Variants in ENTHD1 observed in about 807,000 individuals in gnomAD.
ENTHD1 encodes ENTH domain-containing protein 1.
In ENTHD1, 23 loss-of-function variants were observed where a neutral mutation model predicts 39.1. That is an observed-to-expected ratio of 0.59 (90% CI 0.42 to 0.83). The LOEUF (loss-of-function observed/expected upper bound fraction) is 0.83, where lower values mean the gene tolerates loss of function less well. Among genes scored for constraint, ENTHD1 ranks in the 40% least tolerant of loss-of-function variants. The probability of loss-of-function intolerance (pLI) is 0.00; values close to 1 mark genes in which losing one functional copy is unlikely to be tolerated. For missense variants in ENTHD1, 624 were observed against 705.4 expected, an observed-to-expected ratio of 0.88 and a Z score of 1.31; for synonymous variants, 230 against 258.2, an observed-to-expected ratio of 0.89 and a Z score of 1.05.
chr22:39,845,872 G>A lies in ENTHD1; in HGVS notation c.593-9914C>T, dbSNP rs995827949. Among the ~76,000 whole-genome samples the A allele has an allele frequency of 8.6e-5, 13 of 151,124 alleles. No individual in the cohort carries two copies. In the East Asian group the frequency reaches 1.9e-3, roughly 23 times the overall value. ...GCGTTGGAAAATTTTCCCATTTTGCGGCTTTTTTTTTCACTTTTACATGGT... is the reference window on the plus strand; with the variant it reads ...GCGTTGGAAAATTTTCCCATTTTGCAGCTTTTTTTTTCACTTTTACATGGT... On this transcript the variant is annotated intron_variant, in intron 3 of 6. Transcript: ENST00000325157.
chr22:39,796,506 G>A (rs2065551156), intron 5 of ENTHD1, among the ~76,000 whole-genome samples: 1 of 152,128 alleles, frequency 6.6e-6, no homozygotes, highest in African/African-American at 2.4e-5. Context: ...CTGGGCTCAA[G>A]CAATCCTCCT....
At chr22:39,840,954 G>A (rs1311112855) in intron 3 of ENTHD1, among the ~76,000 whole-genome samples, 8 of 151,914 alleles carry the variant, frequency 5.3e-5, no homozygotes, top group Non-Finnish European at 7.4e-5. Flanking sequence ...GGGTTTCACC[G>A]TGGTCTCGAT....
intron 4 of ENTHD1, among the ~76,000 whole-genome samples, chr22:39,824,601 T>C (rs2065812536): frequency 6.6e-6 from 1 of 152,202 alleles, no homozygotes; most frequent in African/African-American, 2.4e-5. Context: ...TGAATTTCTA[T>C]ACAAGGTTTA....
intron 2 of ENTHD1, among the ~76,000 whole-genome samples, chr22:39,871,163 C>T (rs2066239728): frequency 1.4e-5 from 2 of 145,816 alleles, no homozygotes; most frequent in Admixed American, 1.4e-4. Flanking sequence ...GAGTGAGAGC[C>T]CATCTTCTAA....
chr22:39,755,106 C>T lies in ENTHD1; in HGVS notation c.1219+10117G>A, dbSNP rs1369774016. Among the ~76,000 whole-genome samples, 7 of 152,248 alleles carry T rather than the reference C, an allele frequency of 4.6e-5. No homozygotes were observed. In the East Asian group the frequency reaches 5.8e-4, roughly 13 times the overall value. On this transcript the variant is annotated intron_variant, in intron 6 of 6. Coordinates refer to ENST00000325157, the MANE Select transcript of ENTHD1 (RefSeq NM_152512.4). ...GGGATGCAATAAGAAACAGCAGACA[C>T]GGTCTCTTCTCTCATGAAGATGACA...
At chr22:39,856,508 AAAT>A (rs1394879268) in intron 3 of ENTHD1, among the ~76,000 whole-genome samples, 1 of 152,182 alleles carries the variant, frequency 6.6e-6, no homozygotes. Flanking sequence ...AATGAAATAA[AAAT>A]AACAGATTTA....
At chr22:39,879,893 T>G (rs2066323962) in intron 2 of ENTHD1, among the ~76,000 whole-genome samples, 1 of 152,168 alleles carries the variant, frequency 6.6e-6, no homozygotes, top group South Asian at 2.1e-4. Context: ...ATGGATAAAT[T>G]TACTGTGATT....
intron 1 of ENTHD1, among the ~76,000 whole-genome samples, chr22:39,890,397 C>G (rs559535005): frequency 1.3e-5 from 2 of 151,856 alleles, no homozygotes; most frequent in South Asian, 4.2e-4. Flanking sequence ...TTCCTTCTAC[C>G]AAACTCACTC....
intron 3 of ENTHD1, among the ~76,000 whole-genome samples, chr22:39,857,789 GA>G (rs2066106860): frequency 6.6e-6 from 1 of 152,160 alleles, no homozygotes; most frequent in Admixed American, 6.5e-5. Flanking sequence ...CTACTTAGTA[GA>G]CTAAGTATGC....
At chr22:39,760,239 T>G (rs912309245) in intron 6 of ENTHD1, among the ~76,000 whole-genome samples, 4 of 152,192 alleles carry the variant, frequency 2.6e-5, no homozygotes, top group South Asian at 4.1e-4. Context: ...AAATCTCAAA[T>G]TAAAACTGCA....
intron 5 of ENTHD1, among the ~76,000 whole-genome samples, chr22:39,797,304 T>C (rs1376971134): frequency 2.0e-5 from 3 of 152,202 alleles, no homozygotes; most frequent in East Asian, 1.9e-4. Flanking sequence ...TTTTTAAACA[T>C]CCATTCATTC....
At chr22:39,758,323 C>T (rs2065201733) in intron 6 of ENTHD1, among the ~76,000 whole-genome samples, 1 of 152,220 alleles carries the variant, frequency 6.6e-6, no homozygotes, top group Non-Finnish European at 1.5e-5. Flanking sequence ...GCGGTGACAG[C>T]AGCCATCCTT....
intron 2 of ENTHD1, chr22:39,875,649 T>A: frequency 1.2e-6 from 2 of 1,611,952 alleles, no homozygotes; most frequent in South Asian, 2.2e-5. Flanking sequence ...GTAACTGGAG[T>A]AACTACTGTG....
In ENTHD1 at chr22:39,765,375, A is replaced by C. The variant is rs766753464; in HGVS notation, c.1067T>G (p.Phe356Cys). The C allele has an allele frequency of 6.2e-7, 1 of 1,614,030 alleles. No individual in the cohort carries two copies. The highest frequency in any genetic ancestry group is 2.2e-5 in the East Asian group (1 of 44,872). The change falls in exon 6 of 7, where the codon TTC becomes TGC. Residue 356 changes from phenylalanine (F) to cysteine (C), a missense_variant. Physicochemically the swap from Phe to Cys is radical, Grantham distance 205 (BLOSUM62 -2). Coordinates refer to ENST00000325157, the MANE Select transcript of ENTHD1 (RefSeq NM_152512.4). The stretch of plus-strand genomic sequence containing the variant: ...TGTTTCTACAGAGGCCTGGTTATGG[A>C]AAGTAGAATCTGACTTTGATACCCT... ...DLRVSKSDSTFHNQASVETLC... is the reference protein window; with the variant it reads ...DLRVSKSDSTCHNQASVETLC...
rs73426198 is a variant in ENTHD1, at chr22:39,863,531, A to T, written c.350-1524T>A. On this transcript the variant is annotated intron_variant, in intron 2 of 6. Transcript: ENST00000325157. ...TCTGTATGGTTGAATTCCCAGATAC[A>T]AAGGTACACTGTAACCTATAACTCA... Among the ~76,000 whole-genome samples the T allele has an allele frequency of 3.8e-3, 572 of 152,350 alleles. 6 individuals are homozygous for T. Among genetic ancestry groups the T allele is most frequent in the African/African-American group, 0.013 (551 of 41,588 alleles).
chr22:39,808,844 A>G (rs375619363), intron 5 of ENTHD1, among the ~76,000 whole-genome samples: 4 of 152,224 alleles, frequency 2.6e-5, no homozygotes, highest in East Asian at 3.9e-4. Flanking sequence ...TTATTTATTC[A>G]TTCTTATCAA....
At chr22:39,875,666 G>T in intron 2 of ENTHD1, 1 of 1,611,724 alleles carries the variant, frequency 6.2e-7, no homozygotes, top group East Asian at 2.2e-5. Context: ...TGTGGGTGTC[G>T]CATATGCTGC....
rs571737142 is a variant in ENTHD1, at chr22:39,795,409, CT to C, written c.832+25583del. On this transcript the variant is annotated intron_variant, in intron 5 of 6. Transcript: ENST00000325157. ...TCCTGGGCTTTTCTTTATTAGAAGG[CT>C]TTTTTTTTTCTTTTTTCTTTTTTTG... is the stretch of plus-strand genomic sequence containing the variant. Among the ~76,000 whole-genome samples, 651 of 147,152 alleles carry C rather than the reference CT, an allele frequency of 4.4e-3. 7 individuals carry two copies. The highest frequency in any genetic ancestry group is 0.014 in the African/African-American group (554 of 40,176).
Position 39,780,638 on chromosome 22 carries a change from T to C in ENTHD1, c.833-15029A>G, listed in dbSNP as rs190600413. On this transcript the variant is annotated intron_variant, in intron 5 of 6. Transcript: ENST00000325157. ...AAAAGAGACAAAGACAGTCACTATA[T>C]AATGATCAAAGGGGTCAATTCAGCA... Among the ~76,000 whole-genome samples the C allele has an allele frequency of 1.6e-3, 240 of 152,246 alleles. 1 individual carries two copies. The highest frequency in any genetic ancestry group is 2.6e-3 in the Non-Finnish European group (179 of 68,006).
Sources: allele counts gnomAD v4.1 joint callset (sites outside exome capture counted in the v4.1 genomes callset), GRCh38; gene constraint gnomAD v4.1.1; transcripts MANE v1.5; gene names NCBI Gene and HGNC (gene_info 2026-07-23, HGNC 2026-07-21).